The following ADGRV1 variants were observed in gnomAD, a reference collection of about 807,000 sequenced individuals.
ADGRV1 encodes G-protein coupled receptor 98.
In ADGRV1, 359 loss-of-function variants were observed where a neutral mutation model predicts 596.2. That is an observed-to-expected ratio of 0.60 (90% CI 0.55 to 0.66). The LOEUF (loss-of-function observed/expected upper bound fraction) is 0.66. Ranked by LOEUF, ADGRV1 falls within the 30% of genes least tolerant of loss-of-function variation. The pLI is 0.00. For synonymous variants in ADGRV1, 2,681 were observed against 2,679.2 expected (o/e 1.00, Z -0.02); for missense variants, 7,274 against 7,575.6 (o/e 0.96, Z 1.48).
chr5:90,960,148 A>C (rs7708774), intron 83 of ADGRV1, among the ~76,000 whole-genome samples: 16,458 of 139,620 alleles, frequency 0.12, 982 homozygotes, highest in East Asian at 0.22. Flanking sequence ...AAAAAAAAAA[A>C]AAAAACAAAA....
At chr5:90,979,511 C>T in intron 84 of ADGRV1, among the ~76,000 whole-genome samples, 1 of 152,088 alleles carries the variant, frequency 6.6e-6, no homozygotes. Flanking sequence ...TAAATATAAT[C>T]AGCCTTTACA....
At chr5:90,851,130 T>TGA (rs1561847389) in intron 79 of ADGRV1, among the ~76,000 whole-genome samples, 4 of 79,812 alleles carry the variant, frequency 5.0e-5, no homozygotes, top group African/African-American at 7.4e-5. Flanking sequence ...TGTGTGTGTG[T>TGA]GTGTGAGAGA....
In ADGRV1 at chr5:90,689,962, G is replaced by C; in HGVS notation, c.6592G>C (p.Glu2198Gln). ...YVINDIYPEL[E>Q]ESFLVQLMNE... ...CATTAATGATATCTATCCTGAACTG[G>C]AAGAATCTTTTCTTGTGCAACTGAT... Residue 2198 changes from glutamate to glutamine, a missense_variant, in exon 30 of 90, where the codon GAA becomes CAA. Coordinates refer to ENST00000405460, the MANE Select transcript of ADGRV1 (RefSeq NM_032119.4). 6.2e-7 allele frequency: 1 copy of C among 1,611,784 alleles called. No individual in the cohort carries two copies. Among genetic ancestry groups the C allele is most frequent in the Admixed American group, 1.7e-5 (1 of 59,752 alleles).
At chr5:91,066,844 C>T (rs1342393366) in intron 85 of ADGRV1, among the ~76,000 whole-genome samples, 1 of 152,190 alleles carries the variant, frequency 6.6e-6, no homozygotes, top group African/African-American at 2.4e-5. Context: ...ATGGGCCCTG[C>T]AGTTCTGCAA....
intron 45 of ADGRV1, among the ~76,000 whole-genome samples, chr5:90,721,799 T>TG (rs1239402892): frequency 9.2e-5 from 14 of 152,226 alleles, no homozygotes; most frequent in Middle Eastern, 3.4e-3. Context: ...TAAGACTGAA[T>TG]GATGAGTAGA....
intron 85 of ADGRV1, among the ~76,000 whole-genome samples, chr5:90,986,801 A>C (rs756164527): frequency 1.3e-5 from 2 of 152,192 alleles, no homozygotes; most frequent in Non-Finnish European, 2.9e-5. Flanking sequence ...TAAATCGTGG[A>C]CTGCCAGGAT....
At chr5:91,108,773 T>G (rs1305552198) in intron 87 of ADGRV1, among the ~76,000 whole-genome samples, 1 of 152,104 alleles carries the variant, frequency 6.6e-6, no homozygotes, top group Non-Finnish European at 1.5e-5. Context: ...TATTTTTATT[T>G]TTTTGTAGAG....
At chr5:91,138,712 A>T (rs1794851436) in intron 87 of ADGRV1, among the ~76,000 whole-genome samples, 1 of 152,104 alleles carries the variant, frequency 6.6e-6, no homozygotes, top group South Asian at 2.1e-4. Flanking sequence ...TACCTCAAGG[A>T]ATATTTATCT....
intron 83 of ADGRV1, among the ~76,000 whole-genome samples, chr5:90,921,796 G>GTTTTTTT (rs571601390): frequency 1.4e-4 from 18 of 124,386 alleles, no homozygotes; most frequent in East Asian, 2.2e-4. Flanking sequence ...GTTGTGTCTT[G>GTTTTTTT]TTTTTTTTTT....
chr5:91,046,421 C>T (rs780664032), intron 85 of ADGRV1, among the ~76,000 whole-genome samples: 16 of 151,994 alleles, frequency 1.1e-4, no homozygotes, highest in Non-Finnish European at 1.5e-4. Flanking sequence ...GGAAAGATAC[C>T]CTATTCAACA....
chr5:91,093,810 T>C (rs1562209410), intron 86 of ADGRV1, among the ~76,000 whole-genome samples: 1 of 152,094 alleles, frequency 6.6e-6, no homozygotes, highest in African/African-American at 2.4e-5. Flanking sequence ...ACATGAACTT[T>C]TAAATATTCA....
chr5:90,778,532 A>C lies in ADGRV1; in HGVS notation c.12772A>C (p.Thr4258Pro), dbSNP rs972151252. 1 of 1,612,692 alleles carries C rather than the reference A, an allele frequency of 6.2e-7. No individual in the cohort carries two copies. The highest frequency in any genetic ancestry group is 1.7e-5 in the Admixed American group (1 of 59,886). ...TGAATCCAGCAGCACTGCCAACATC[A>C]CGGTGGTGGCCAGCGACTCTCCCTA... ...LSESSSTANI[T>P]VVASDSPYGR... Residue 4258 changes from threonine to proline, a missense_variant, in exon 63 of 90, where the codon ACG becomes CCG. Around this residue, in one of 5 missense-constraint regions of ADGRV1, gnomAD observed 3,643 missense variants for 3,809.2 expected, o/e 0.96. Transcript: ENST00000405460.
intron 85 of ADGRV1, among the ~76,000 whole-genome samples, chr5:90,986,101 ATATATTATGCATATATATATATATATG>A (rs1780480857): frequency 7.1e-6 from 1 of 140,278 alleles, no homozygotes; most frequent in Non-Finnish European, 1.6e-5. Context: ...ATATATATAT[ATATATTATGCATATATATATATATATG>A]TGACTTAATC....
intron 48 of ADGRV1, among the ~76,000 whole-genome samples, chr5:90,727,878 T>G (rs1752010402): frequency 6.6e-6 from 1 of 152,230 alleles, no homozygotes; most frequent in Non-Finnish European, 1.5e-5. Context: ...AACTTTGTCA[T>G]GTTGTTCCTT....
At chr5:90,769,009 G>C (rs1342541191) in intron 59 of ADGRV1, among the ~76,000 whole-genome samples, 2 of 152,162 alleles carry the variant, frequency 1.3e-5, no homozygotes, top group Admixed American at 6.5e-5. Flanking sequence ...ATGATGGTGA[G>C]TTTTATAATC....
chr5:90,595,513 G>A (rs1382826196), intron 1 of ADGRV1, among the ~76,000 whole-genome samples: 8 of 120,960 alleles, frequency 6.6e-5, no homozygotes, highest in Admixed American at 1.5e-4. Flanking sequence ...AGGGGCGGCC[G>A]GGCAGAGGCG....
At chr5:90,753,952 C>T (rs1048397868) in intron 54 of ADGRV1, 123 bp downstream of exon 54, 10 of 927,184 alleles carry the variant, frequency 1.1e-5, no homozygotes, top group Non-Finnish European at 1.5e-5. Context: ...GCAGGTCATA[C>T]TCAATCCTTT....
At chr5:90,558,983 G>T (rs1754433185) in intron 1 of ADGRV1, 66 bp downstream of exon 1, 1 of 1,412,268 alleles carries the variant, frequency 7.1e-7, no homozygotes, top group East Asian at 2.7e-5. Context: ...CTCAGCATCA[G>T]CACCTGTTGC....
At chr5:90,571,001 T>C (rs1756455650) in intron 1 of ADGRV1, among the ~76,000 whole-genome samples, 1 of 152,142 alleles carries the variant, frequency 6.6e-6, no homozygotes, top group African/African-American at 2.4e-5. Flanking sequence ...CCATGCTTGG[T>C]ATTTTTCTTT....
Sources: gnomAD v4.1 joint callset for allele counts (sites outside exome capture counted in the v4.1 genomes callset) on GRCh38, gnomAD v4.1.1 for gene constraint, gnomAD v4.1.1 regional missense constraint, MANE v1.5 for transcripts, NCBI Gene and HGNC (gene_info 2026-07-23, HGNC 2026-07-21) for gene names.